SLC24A2: variants seen among roughly 807,000 people sequenced by gnomAD.
The protein encoded by SLC24A2 is sodium/potassium/calcium exchanger 2.
SLC24A2 carries 36 observed loss-of-function variants against 62.0 expected under a neutral mutation model. The observed-to-expected ratio is 0.58, with a 90% CI of 0.44 to 0.77. The LOEUF is 0.77. Ranked by LOEUF, SLC24A2 falls within the 30% of genes least tolerant of loss-of-function variation. The pLI is 0.00. For synonymous variants in SLC24A2, 358 were observed against 294.0 expected (o/e 1.22, Z -2.23); for missense variants, 846 against 817.9 (o/e 1.03, Z -0.42).
chr9:19,985,345 G>C, the SLC24A2 span, among the ~76,000 whole-genome samples: 3 of 152,228 alleles, frequency 2.0e-5, no homozygotes, highest in Middle Eastern at 3.4e-3. Flanking sequence ...AAAGTCCATT[G>C]ACAAGGGATT....
the SLC24A2 span, among the ~76,000 whole-genome samples, chr9:20,173,786 A>G: frequency 1.3e-5 from 2 of 152,060 alleles, no homozygotes; most frequent in Admixed American, 6.6e-5. Flanking sequence ...AAAGCAATCT[A>G]TAAGTTCAAT....
chr9:19,861,155 G>A, the SLC24A2 span, among the ~76,000 whole-genome samples: 3 of 152,158 alleles, frequency 2.0e-5, no homozygotes, highest in Non-Finnish European at 4.4e-5. Context: ...TTGGCTTTAT[G>A]TGTGATCCAG....
chr9:20,189,122 G>C, the SLC24A2 span, among the ~76,000 whole-genome samples: 1 of 146,454 alleles, frequency 6.8e-6, no homozygotes, highest in Non-Finnish European at 1.5e-5. Flanking sequence ...GAGAGTTCCA[G>C]GAGAAAACAT....
chr9:19,885,741 C>A, the SLC24A2 span, among the ~76,000 whole-genome samples: 1 of 152,152 alleles, frequency 6.6e-6, no homozygotes, highest in Admixed American at 6.5e-5. Context: ...TGTGCCTCTC[C>A]CTCCTCCCAC....
intron 7 of SLC24A2, among the ~76,000 whole-genome samples, chr9:19,552,538 G>C (rs112676187): frequency 1.8e-4 from 27 of 151,936 alleles, no homozygotes; most frequent in African/African-American, 6.0e-4. Flanking sequence ...CTAGCAGAGA[G>C]TCAGTCAGCT....
chr9:20,298,226 A>C, the SLC24A2 span, among the ~76,000 whole-genome samples: 1 of 152,060 alleles, frequency 6.6e-6, no homozygotes, highest in Non-Finnish European at 1.5e-5. Flanking sequence ...CAGAAAGATT[A>C]ATTTTCTTTT....
the SLC24A2 span, among the ~76,000 whole-genome samples, chr9:19,919,868 C>T: frequency 6.6e-6 from 1 of 152,136 alleles, no homozygotes; most frequent in Non-Finnish European, 1.5e-5. Context: ...TCAATTACCT[C>T]CCACCGGGTC....
intron 4 of SLC24A2, among the ~76,000 whole-genome samples, chr9:19,608,858 T>G (rs576767621): frequency 2.0e-5 from 3 of 152,076 alleles, no homozygotes; most frequent in African/African-American, 7.2e-5. Context: ...CAGGAGAGAC[T>G]GCTAGAGCGT....
intron 2 of SLC24A2, among the ~76,000 whole-genome samples, chr9:19,670,298 G>A (rs1463086775): frequency 6.6e-6 from 1 of 152,144 alleles, no homozygotes; most frequent in Non-Finnish European, 1.5e-5. Context: ...TGACATCCTA[G>A]TTCCCAGTGC....
At chr9:20,003,672 G>C in the SLC24A2 span, among the ~76,000 whole-genome samples, 2 of 152,104 alleles carry the variant, frequency 1.3e-5, no homozygotes, top group Non-Finnish European at 2.9e-5. Context: ...TATGCTTGTG[G>C]GTCATAGGGT....
chr9:19,754,669 C>T (rs535860510), intron 2 of SLC24A2, among the ~76,000 whole-genome samples: 2 of 150,028 alleles, frequency 1.3e-5, no homozygotes, highest in Non-Finnish European at 3.0e-5. Context: ...TTTTAATAAC[C>T]TGTGGTGTTT....
chr9:19,619,742 T>C (rs375152848), intron 3 of SLC24A2, 50 bp from the exon 4 acceptor site: 14 of 1,381,252 alleles, frequency 1.0e-5, no homozygotes, highest in South Asian at 5.8e-5. Context: ...GAAAGACAAG[T>C]GCATTATAGA....
chr9:19,850,990 TATATATATATAC>T, the SLC24A2 span, among the ~76,000 whole-genome samples: 2 of 39,856 alleles, frequency 5.0e-5, no homozygotes, highest in African/African-American at 1.5e-4. Flanking sequence ...TATATGTATA[TATATATATATAC>T]ACATACATAT....
the SLC24A2 span, among the ~76,000 whole-genome samples, chr9:19,944,939 C>T: frequency 6.6e-6 from 1 of 152,256 alleles, no homozygotes; most frequent in South Asian, 2.1e-4. Context: ...CTGTTTGATT[C>T]ACCCTGTATG....
At chr9:19,671,769 T>TGCTTGCTCTGTCCTTCAG (rs1213792375) in intron 2 of SLC24A2, among the ~76,000 whole-genome samples, 32 of 145,554 alleles carry the variant, frequency 2.2e-4, no homozygotes, top group South Asian at 6.4e-4. Flanking sequence ...CATAAATAGA[T>TGCTTGCTCTGTCCTTCAG]GCTGGATTTT....
At chr9:20,092,066 G>A in the SLC24A2 span, among the ~76,000 whole-genome samples, 27 of 152,134 alleles carry the variant, frequency 1.8e-4, no homozygotes, top group Non-Finnish European at 2.9e-4. Flanking sequence ...ACAAAGAGGG[G>A]AACAACAGAC....
chr9:19,959,597 T>C, the SLC24A2 span, among the ~76,000 whole-genome samples: 1 of 152,232 alleles, frequency 6.6e-6, no homozygotes, highest in East Asian at 1.9e-4. Context: ...GTCTGGTGAA[T>C]AAATGAACTG....
chr9:20,160,380 T>A, the SLC24A2 span, among the ~76,000 whole-genome samples: 3 of 151,364 alleles, frequency 2.0e-5, no homozygotes, highest in African/African-American at 7.3e-5. Context: ...CTGACCTGTC[T>A]TAGGTCAAGT....
chr9:19,631,745 C>T lies in SLC24A2; in HGVS notation c.931-9446G>A, dbSNP rs140148866. 3.8e-4 allele frequency among the ~76,000 whole-genome samples: 58 copies of T among 152,254 alleles called. No homozygotes were observed. The East Asian group carries it at 0.01, about 27-fold the overall frequency. On this transcript the variant is annotated intron_variant, in intron 2 of 10. Coordinates refer to ENST00000341998, the MANE Select transcript of SLC24A2 (RefSeq NM_020344.4). ...TGACTGGGTCCAGTGTTGGGGCCTA[C>T]AGTATGGTCAGCGGAAACCATTTGA...
Sources: allele counts gnomAD v4.1 joint callset (sites outside exome capture counted in the v4.1 genomes callset), GRCh38; gene constraint gnomAD v4.1.1; transcripts MANE v1.5; gene names NCBI Gene and HGNC (gene_info 2026-07-23, HGNC 2026-07-21).